Variants in CADM3 observed in about 807,000 individuals in gnomAD.
The protein encoded by CADM3 is cell adhesion molecule 3, also known as TSLC1-like 1.
In CADM3, 11 loss-of-function variants were observed where a neutral mutation model predicts 44.9. The ratio of observed to expected loss-of-function variants is 0.25; its 90% CI spans 0.15 to 0.41. The LOEUF is 0.41. Ranked by LOEUF, CADM3 falls within the 10% of genes least tolerant of loss-of-function variation. The pLI, the probability that CADM3 is intolerant of heterozygous loss-of-function variation, is 1.00. For synonymous variants in CADM3, 207 were observed against 205.2 expected (o/e 1.01, Z -0.08); for missense variants, 426 against 512.0 (o/e 0.83, Z 1.62).
At chr1:159,193,110 A>G (rs1232544613) in intron 3 of CADM3, among the ~76,000 whole-genome samples, 2 of 152,090 alleles carry the variant, frequency 1.3e-5, no homozygotes, top group East Asian at 1.9e-4. Flanking sequence ...ATTTCATCCT[A>G]TATTTCAACT....
intron 1 of CADM3, among the ~76,000 whole-genome samples, chr1:159,176,364 G>A (rs1461330707): frequency 6.6e-6 from 1 of 152,106 alleles, no homozygotes; most frequent in Non-Finnish European, 1.5e-5. Context: ...TTGTTTTAGA[G>A]GTCCACCCTT....
At chr1:159,192,958 G>T (rs1649735341) in intron 3 of CADM3, among the ~76,000 whole-genome samples, 1 of 152,148 alleles carries the variant, frequency 6.6e-6, no homozygotes, top group Non-Finnish European at 1.5e-5. Flanking sequence ...CTTTGAGTCT[G>T]AATTTTCTCT....
At chr1:159,194,167 G>C in intron 5 of CADM3, 127 bp downstream of exon 5, 1 of 1,013,898 alleles carries the variant, frequency 9.9e-7, no homozygotes, top group Non-Finnish European at 1.4e-6. Flanking sequence ...ATGAAACAAA[G>C]ACTGCCAGGA....
Position 159,196,462 on chromosome 1 carries a change from G to T in CADM3, c.782+8G>T. On this transcript the variant is annotated splice_region_variant and intron_variant, in intron 6 of 8. Coordinates refer to ENST00000368125, the MANE Select transcript of CADM3 (RefSeq NM_001127173.3). ...GGGTCGCGGCAATCCAGTGTAAGAA[G>T]ATCCATTTCCTGGTCTCCTCCTTAC... 6.2e-7 allele frequency: 1 copy of T among 1,612,462 alleles called. No homozygotes were observed. The highest frequency in any genetic ancestry group is 8.5e-7 in the Non-Finnish European group (1 of 1,178,800).
intron 1 of CADM3, among the ~76,000 whole-genome samples, chr1:159,177,987 A>C (rs1371348159): frequency 6.6e-6 from 1 of 152,196 alleles, no homozygotes; most frequent in Non-Finnish European, 1.5e-5. Flanking sequence ...AAATCTGCAG[A>C]TGCACAAGTC....
At chr1:159,181,809 C>T (rs1321646935) in intron 1 of CADM3, among the ~76,000 whole-genome samples, 1 of 152,100 alleles carries the variant, frequency 6.6e-6, no homozygotes, top group East Asian at 1.9e-4. Flanking sequence ...CAGCTGTCCC[C>T]ACCTCCTTCC....
At position 159,200,218 on chromosome 1, in the gene CADM3, C is replaced by T. The variant is rs1178054769; in HGVS notation, c.1078+342C>T. Among the ~76,000 whole-genome samples the T allele has an allele frequency of 2.6e-5, 4 of 152,276 alleles. No homozygotes were observed. In the East Asian group the frequency reaches 5.8e-4, roughly 22 times the overall value. The stretch of plus-strand genomic sequence containing the variant: ...CATCTCCATCTCATTGCTTCCTGCG[C>T]TTTCTTCCTTTCTGTCTGTTTAACC... On this transcript the variant is annotated intron_variant, in intron 8 of 8. Coordinates refer to ENST00000368125, the MANE Select transcript of CADM3 (RefSeq NM_001127173.3).
chr1:159,200,518 G>GCA (rs56164429), intron 8 of CADM3, among the ~76,000 whole-genome samples: 1,605 of 150,964 alleles, frequency 0.011, 13 homozygotes, highest in South Asian at 0.034. Flanking sequence ...ATGCGTGCAA[G>GCA]CACACACACA....
intron 1 of CADM3, among the ~76,000 whole-genome samples, chr1:159,184,611 T>C (rs1056416580): frequency 2.0e-5 from 3 of 152,186 alleles, no homozygotes; most frequent in Non-Finnish European, 4.4e-5. Context: ...TGTTTATGGC[T>C]GTAAGGCCAA....
chr1:159,200,926 C>G lies in CADM3; in HGVS notation c.*4C>G, dbSNP rs765347515. 78 of 1,585,036 alleles carry G rather than the reference C, an allele frequency of 4.9e-5. No individual in the cohort carries two copies. The highest frequency in any genetic ancestry group is 6.1e-5 in the Non-Finnish European group (71 of 1,164,174). On this transcript the variant is annotated 3_prime_UTR_variant, in exon 9 of 9. Transcript: ENST00000368125. ...CAAGAAGGAATATTTCATCTAGAGG[C>G]GCCTGCCCACTTCCTGCGCCCCCCA... is the stretch of plus-strand genomic sequence containing the variant.
At chr1:159,194,073 A>C in intron 5 of CADM3, 33 bp downstream of exon 5, 1 of 1,597,104 alleles carries the variant, frequency 6.3e-7, no homozygotes, top group Non-Finnish European at 8.6e-7. Context: ...AAGAAGGATG[A>C]GGTATGAGAT....
In CADM3 at chr1:159,182,389, C is replaced by A. The variant is rs1002375848; in HGVS notation, c.89-9547C>A. Among the ~76,000 whole-genome samples, 9 of 152,296 alleles carry A rather than the reference C, an allele frequency of 5.9e-5. No individual in the cohort carries two copies. The South Asian group carries it at 6.2e-4, about 11-fold the overall frequency. ...AGTGGGTGTCAGCGGAAATATTTGA[C>A]ACTTAGTGTCAAATTAACCACTGAA... On this transcript the variant is annotated intron_variant, in intron 1 of 8. Coordinates refer to ENST00000368125, the MANE Select transcript of CADM3 (RefSeq NM_001127173.3).
chr1:159,189,946 T>TGGTGAAGGCAACATGAG, intron 1 of CADM3: 3 of 1,014,402 alleles, frequency 3.0e-6, no homozygotes, highest in Non-Finnish European at 4.5e-6. Context: ...CCCACTCATG[T>TGGTGAAGGCAACATGAG]TGCCTTCACC....
At chr1:159,189,207 A>G (rs1484450764) in intron 1 of CADM3, among the ~76,000 whole-genome samples, 5 of 152,198 alleles carry the variant, frequency 3.3e-5, no homozygotes, top group African/African-American at 1.2e-4. Flanking sequence ...TATTTGTATG[A>G]CCCTGGGCGA....
chr1:159,184,547 T>C (rs1649347616), intron 1 of CADM3, among the ~76,000 whole-genome samples: 1 of 152,202 alleles, frequency 6.6e-6, no homozygotes, highest in African/African-American at 2.4e-5. Context: ...GCAGCAGTTA[T>C]TCAGGAGAGC....
intron 1 of CADM3, among the ~76,000 whole-genome samples, chr1:159,177,166 C>T (rs994966304): frequency 6.6e-6 from 1 of 152,170 alleles, no homozygotes; most frequent in Non-Finnish European, 1.5e-5. Context: ...CCCTCCATCA[C>T]CACTAATATC....
chr1:159,196,785 C>T (rs2102132521), intron 6 of CADM3, 106 bp from the exon 7 acceptor site: 2 of 1,143,600 alleles, frequency 1.7e-6, no homozygotes, highest in African/African-American at 1.6e-5. Flanking sequence ...ATTTCTCCAG[C>T]CTCATCAAAC....
intron 1 of CADM3, among the ~76,000 whole-genome samples, chr1:159,175,813 G>A: frequency 6.6e-6 from 1 of 152,192 alleles, no homozygotes; most frequent in East Asian, 1.9e-4. Flanking sequence ...TCATAGTTCT[G>A]CAGCCATAAA....
At chr1:159,188,155 C>A (rs1047221763) in intron 1 of CADM3, among the ~76,000 whole-genome samples, 6 of 151,884 alleles carry the variant, frequency 4.0e-5, no homozygotes, top group African/African-American at 1.5e-4. Flanking sequence ...TCCATGGAGG[C>A]CAGGGAACCT....
Sources: gnomAD v4.1 joint callset for allele counts (sites outside exome capture counted in the v4.1 genomes callset) on GRCh38, gnomAD v4.1.1 for gene constraint, MANE v1.5 for transcripts, NCBI Gene and HGNC (gene_info 2026-07-23, HGNC 2026-07-21) for gene names.